The following COG7 variants were observed in gnomAD, a reference collection of about 807,000 sequenced individuals.
The protein encoded by COG7 is component of oligomeric golgi complex 7.
A neutral mutation model predicts 91.5 loss-of-function variants in COG7; 49 were observed. That is an observed-to-expected ratio of 0.54 (90% CI 0.43 to 0.68). The LOEUF (loss-of-function observed/expected upper bound fraction) is 0.68. Among genes scored for constraint, COG7 ranks in the 30% least tolerant of loss-of-function variants. The pLI, the probability that COG7 is intolerant of heterozygous loss-of-function variation, is 0.00. For synonymous variants in COG7, 365 were observed against 388.7 expected, an observed-to-expected ratio of 0.94 and a Z score of 0.72; for missense variants, 895 against 961.3, an observed-to-expected ratio of 0.93 and a Z score of 0.91.
Position 23,397,909 on chromosome 16 carries a change from C to A in COG7, c.1887+137G>T, listed in dbSNP as rs1292375300. 37 of 730,768 alleles carry A rather than the reference C, an allele frequency of 5.1e-5. 1 individual carries two copies. The highest frequency in any genetic ancestry group is 4.3e-4 in the Admixed American group (21 of 48,350). The allele number at this position is 730,768 out of a possible 1,614,324, so 45.3% of individuals were successfully genotyped here. On this transcript the variant is annotated intron_variant, in intron 14 of 16. Transcript: ENST00000307149. The stretch of plus-strand genomic sequence containing the variant: ...CTTCTTAAAGTCCAGGATCTGGGTG[C>A]AGACTACCCCAAAGCACAGGCTACC...
At chr16:23,411,059 C>G (rs1471330265) in intron 10 of COG7, among the ~76,000 whole-genome samples, 1 of 152,160 alleles carries the variant, frequency 6.6e-6, no homozygotes, top group Non-Finnish European at 1.5e-5. Flanking sequence ...TTGCTAGATG[C>G]CTGCTAGTTT....
At chr16:23,441,687 C>T (rs923600604) in intron 4 of COG7, among the ~76,000 whole-genome samples, 2 of 152,130 alleles carry the variant, frequency 1.3e-5, no homozygotes, top group African/African-American at 4.8e-5. Flanking sequence ...CCGCCAAATA[C>T]TAATATTTAT....
chr16:23,403,975 C>T, intron 12 of COG7, 141 bp from the exon 13 acceptor site: 1 of 917,604 alleles, frequency 1.1e-6, no homozygotes, highest in Non-Finnish European at 1.7e-6. Flanking sequence ...GCCCCAGGCC[C>T]CTCTGGAGAA....
chr16:23,417,397 G>T (rs1963675015), intron 8 of COG7: 1 of 470,474 alleles, frequency 2.1e-6, no homozygotes. Context: ...CTTTTTCTGT[G>T]ATTATTAAGA....
chr16:23,409,221 G>A (rs1016921627), intron 11 of COG7, among the ~76,000 whole-genome samples: 1 of 152,258 alleles, frequency 6.6e-6, no homozygotes, highest in Non-Finnish European at 1.5e-5. Context: ...GGGTGGCAGA[G>A]GCAACAGGTC....
intron 13 of COG7, among the ~76,000 whole-genome samples, chr16:23,403,046 G>A (rs1472597854): frequency 6.6e-6 from 1 of 152,268 alleles, no homozygotes; most frequent in Non-Finnish European, 1.5e-5. Flanking sequence ...TAACCAGGGG[G>A]CTGTCCCGCC....
intron 14 of COG7, among the ~76,000 whole-genome samples, chr16:23,397,318 A>G (rs1321444809): frequency 6.6e-6 from 1 of 152,220 alleles, no homozygotes; most frequent in African/African-American, 2.4e-5. Context: ...ATCACCTTGA[A>G]AAGTCTCAGA....
In COG7 at chr16:23,429,065, T is replaced by C. The variant is rs946217485; in HGVS notation, c.811-4118A>G. Among the ~76,000 whole-genome samples, 10 of 151,918 alleles carry C rather than the reference T, an allele frequency of 6.6e-5. No individual in the cohort carries two copies. In the East Asian group the frequency reaches 1.2e-3, roughly 18 times the overall value. On this transcript the variant is annotated intron_variant, in intron 6 of 16. Transcript: ENST00000307149. ...AGTGCAGTAGAGCAATCATGGCTCA[T>C]TGAAGCCTCAACTTCCCAGGCTCAG...
In COG7 at chr16:23,428,718, G is replaced by T. The variant is rs183902807; in HGVS notation, c.811-3771C>A. ...TTTTTTTTTTTTTTTTTGAGATGGAGTCTCACTCTGTTGCCCAGGCTGGAG... is the reference window on the plus strand; with the variant it reads ...TTTTTTTTTTTTTTTTTGAGATGGATTCTCACTCTGTTGCCCAGGCTGGAG... On this transcript the variant is annotated intron_variant, in intron 6 of 16. Transcript: ENST00000307149. Among the ~76,000 whole-genome samples the T allele has an allele frequency of 2.7e-5, 4 of 148,004 alleles. No homozygotes were observed. The East Asian group carries it at 7.9e-4, about 29-fold the overall frequency.
chr16:23,411,430 T>C (rs1466051445), intron 10 of COG7, among the ~76,000 whole-genome samples: 1 of 152,174 alleles, frequency 6.6e-6, no homozygotes, highest in Non-Finnish European at 1.5e-5. Context: ...AGAACAAACT[T>C]GTGCATAATA....
chr16:23,406,316 TC>T, intron 11 of COG7, 54 bp from the exon 12 acceptor site: 1 of 1,471,356 alleles, frequency 6.8e-7, no homozygotes, highest in Non-Finnish European at 9.5e-7. Context: ...GGAACTTTCT[TC>T]TTGGAGCAGT....
intron 11 of COG7, among the ~76,000 whole-genome samples, chr16:23,409,926 A>C (rs1001402692): frequency 1.3e-5 from 2 of 152,148 alleles, no homozygotes; most frequent in African/African-American, 4.8e-5. Context: ...CTTCACCACC[A>C]CTTGTCACAC....
chr16:23,434,609 C>A lies in COG7; in HGVS notation c.687+27G>T, dbSNP rs369907594. 1.9e-5 allele frequency: 30 copies of A among 1,555,094 alleles called. No individual in the cohort carries two copies. The African/African-American group carries it at 2.4e-4, about 13-fold the overall frequency. On this transcript the variant is annotated intron_variant, in intron 5 of 16. Transcript: ENST00000307149. ...GAGTTATGAGCATTCCACAACTGCA[C>A]AACTGTCATCGCGCACAGCTTCTTA...
intron 10 of COG7, 134 bp downstream of exon 10, chr16:23,413,314 T>C (rs1963596600): frequency 1.4e-6 from 1 of 739,644 alleles, no homozygotes; most frequent in Non-Finnish European, 2.5e-6. Flanking sequence ...GTCTGGAGTA[T>C]TTGCTTTTTA....
At chr16:23,428,126 C>T (rs1963877826) in intron 6 of COG7, among the ~76,000 whole-genome samples, 1 of 151,098 alleles carries the variant, frequency 6.6e-6, no homozygotes, top group Non-Finnish European at 1.5e-5. Context: ...GCAGTGAGCC[C>T]AGATCATGCC....
chr16:23,440,085 CAAAAAAAA>C (rs11294739), intron 4 of COG7, among the ~76,000 whole-genome samples: 6 of 79,304 alleles, frequency 7.6e-5, no homozygotes, highest in African/African-American at 1.6e-4. Flanking sequence ...CCCATCTATA[CAAAAAAAA>C]AAAAAAAAAA....
chr16:23,442,849 A>C (rs1252136074), intron 3 of COG7, among the ~76,000 whole-genome samples: 1 of 151,968 alleles, frequency 6.6e-6, no homozygotes, highest in Non-Finnish European at 1.5e-5. Flanking sequence ...CAGCCTGGTT[A>C]ACATGGCAAG....
rs761941399 is a variant in COG7 at position 23,416,982 on chromosome 16, T to C, written c.1277A>G (p.Lys426Arg). ...CCAGCCTTACTTGGCAAAGAGGGAT[T>C]TCAGGGCTGACAACAGGCCGCAGGT... ...LGTCGLLSAL[K>R]SLFAKYVSDF... The change falls in exon 9 of 17, where the codon AAA (lysine) becomes AGA (arginine). Residue 426 changes from lysine (K) to arginine (R), a missense_variant. Coordinates refer to ENST00000307149, the MANE Select transcript of COG7 (RefSeq NM_153603.4). 6.2e-7 allele frequency: 1 copy of C among 1,614,188 alleles called. No homozygotes were observed. Among genetic ancestry groups the C allele is most frequent in the South Asian group, 1.1e-5 (1 of 91,076 alleles).
intron 10 of COG7, among the ~76,000 whole-genome samples, chr16:23,412,065 G>A (rs1391789811): frequency 1.3e-5 from 2 of 152,044 alleles, no homozygotes; most frequent in African/African-American, 4.8e-5. Flanking sequence ...ATTTTTAGTA[G>A]AGACAGGGTT....
Sources: gnomAD v4.1 joint callset for allele counts (sites outside exome capture counted in the v4.1 genomes callset) on GRCh38, gnomAD v4.1.1 for gene constraint, MANE v1.5 for transcripts, NCBI Gene and HGNC (gene_info 2026-07-23, HGNC 2026-07-21) for gene names.